The following ASTN2 variants were observed in gnomAD, a reference collection of about 807,000 sequenced individuals.
ASTN2 encodes the protein astrotactin-2.
ASTN2 carries 54 observed loss-of-function variants against 139.8 expected under a neutral mutation model. The ratio of observed to expected loss-of-function variants is 0.39; its 90% CI spans 0.31 to 0.48. The LOEUF is 0.48. Among genes scored for constraint, ASTN2 ranks in the 20% least tolerant of loss-of-function variants. ASTN2 has a pLI of 0.95. For missense variants in ASTN2, 1,565 were observed against 1,725.1 expected, an observed-to-expected ratio of 0.91 and a Z score of 1.64; for synonymous variants, 756 against 719.5, an observed-to-expected ratio of 1.05 and a Z score of -0.81.
rs570377837 is a variant in ASTN2, at chr9:117,335,205, T to C, written c.443-43692A>G. 3.7e-4 allele frequency among the ~76,000 whole-genome samples: 57 copies of C among 152,348 alleles called. 1 individual carries two copies. The highest frequency in any genetic ancestry group is 6.8e-4 in the Non-Finnish European group (46 of 68,028). On this transcript the variant is annotated intron_variant, in intron 1 of 22. Coordinates refer to ENST00000313400, the MANE Select transcript of ASTN2 (RefSeq NM_001365068.1). ...TATTTATTTACATGTTTATTGTCAG[T>C]TTTTCTTTAAGCTCTAAAAGGACCT...
intron 13 of ASTN2, among the ~76,000 whole-genome samples, chr9:116,779,291 G>T (rs1830158773): frequency 6.6e-6 from 1 of 152,058 alleles, no homozygotes. Flanking sequence ...GAGGGGGTTT[G>T]GTCCCTTTTT....
chr9:116,536,547 T>G (rs1851636914), intron 19 of ASTN2, among the ~76,000 whole-genome samples: 1 of 152,236 alleles, frequency 6.6e-6, no homozygotes, highest in Non-Finnish European at 1.5e-5. Flanking sequence ...GTGGATGTCC[T>G]TTCTGTTTGT....
intron 19 of ASTN2, among the ~76,000 whole-genome samples, chr9:116,504,817 G>A (rs1305396424): frequency 1.3e-5 from 2 of 148,858 alleles, no homozygotes; most frequent in African/African-American, 5.0e-5. Context: ...GATCACTTGA[G>A]CCTGGGAAGT....
intron 20 of ASTN2, 76 bp from the exon 21 acceptor site, chr9:116,442,629 G>T: frequency 8.7e-7 from 1 of 1,149,880 alleles, no homozygotes; most frequent in Non-Finnish European, 1.3e-6. Context: ...GAAGAACAGA[G>T]AGTCATGGCA....
intron 11 of ASTN2, among the ~76,000 whole-genome samples, chr9:116,827,625 A>G (rs1304903999): frequency 1.3e-5 from 2 of 152,148 alleles, no homozygotes; most frequent in Non-Finnish European, 2.9e-5. Flanking sequence ...CAAACCAGAG[A>G]ACTTAGAAAA....
intron 10 of ASTN2, among the ~76,000 whole-genome samples, chr9:116,964,252 T>TGC (rs1333717395): frequency 1.3e-3 from 166 of 128,978 alleles, no homozygotes; most frequent in Middle Eastern, 8.1e-3. Context: ...TGTGTGTGTG[T>TGC]GTGTGCGCGC....
intron 11 of ASTN2, among the ~76,000 whole-genome samples, chr9:116,851,099 C>T (rs1029249464): frequency 6.6e-6 from 1 of 152,136 alleles, no homozygotes; most frequent in African/African-American, 2.4e-5. Flanking sequence ...TGTCTAATAA[C>T]CAGTTTTTGC....
intron 10 of ASTN2, among the ~76,000 whole-genome samples, chr9:116,945,493 G>T (rs10116120): frequency 0.3 from 44,880 of 151,986 alleles, 7,088 homozygotes; most frequent in African/African-American, 0.4. Context: ...TCCAAACTGA[G>T]GCTGAGAAGC....
intron 19 of ASTN2, chr9:116,561,961 G>C (rs1264109997): frequency 6.6e-6 from 1 of 152,150 alleles, no homozygotes; most frequent in Non-Finnish European, 1.5e-5. Flanking sequence ...TAAAATGTTG[G>C]GTAATTTCTT....
intron 1 of ASTN2, among the ~76,000 whole-genome samples, chr9:117,398,348 G>A (rs1006436963): frequency 2.0e-5 from 3 of 152,104 alleles, no homozygotes; most frequent in African/African-American, 7.2e-5. Flanking sequence ...CTGTGGTTTG[G>A]ACATAGTGCC....
intron 2 of ASTN2, among the ~76,000 whole-genome samples, chr9:117,272,783 C>A (rs1331545719): frequency 6.6e-6 from 1 of 152,198 alleles, no homozygotes; most frequent in Non-Finnish European, 1.5e-5. Flanking sequence ...TCCTCATCAC[C>A]ATCTGAGACC....
At chr9:116,595,620 C>T (rs1257445215) in intron 19 of ASTN2, among the ~76,000 whole-genome samples, 2 of 151,946 alleles carry the variant, frequency 1.3e-5, no homozygotes, top group East Asian at 3.9e-4. Context: ...CCACCGCGCC[C>T]GGCCACTCTT....
At chr9:116,937,144 T>C (rs1835104425) in intron 10 of ASTN2, among the ~76,000 whole-genome samples, 1 of 152,204 alleles carries the variant, frequency 6.6e-6, no homozygotes, top group Non-Finnish European at 1.5e-5. Context: ...ATAATGGTTC[T>C]AGAATGGAGG....
chr9:116,428,178 A>G (rs1383696301), intron 22 of ASTN2, among the ~76,000 whole-genome samples: 1 of 152,104 alleles, frequency 6.6e-6, no homozygotes, highest in Non-Finnish European at 1.5e-5. Context: ...TTCCTATTAT[A>G]GTAGTAGGGA....
chr9:116,604,186 C>T (rs1855066326), intron 19 of ASTN2, among the ~76,000 whole-genome samples: 1 of 152,102 alleles, frequency 6.6e-6, no homozygotes, highest in South Asian at 2.1e-4. Context: ...ATAGTAACAG[C>T]TCCCCACACA....
Position 116,426,064 on chromosome 9 carries a change from T to A in ASTN2, c.3807A>T (p.Arg1269=). The A allele has an allele frequency of 6.2e-7, 1 of 1,613,646 alleles. No homozygotes were observed. Among genetic ancestry groups the A allele is most frequent in the Non-Finnish European group, 8.5e-7 (1 of 1,180,014 alleles). The change falls in exon 23 of 23, where the codon CGA becomes CGT. Residue 1269 remains arginine (R), a synonymous_variant. Coordinates refer to ENST00000313400, the MANE Select transcript of ASTN2 (RefSeq NM_001365068.1). ...GPRKAHLILR[R]LERVSSHCSS... Reference sequence around the variant, plus strand: ...AGCAGTGGCTACTCACCCTCTCCAGTCGCCGTAGAATCAGGTGGGCCTTCC... The same window carrying A: ...AGCAGTGGCTACTCACCCTCTCCAGACGCCGTAGAATCAGGTGGGCCTTCC...
chr9:117,330,092 T>C (rs960294343), intron 1 of ASTN2, among the ~76,000 whole-genome samples: 16 of 152,164 alleles, frequency 1.1e-4, no homozygotes, highest in African/African-American at 3.9e-4. Flanking sequence ...TCTGAGGACT[T>C]GCTTCTCTTT....
At chr9:117,147,479 G>A (rs939271787) in intron 3 of ASTN2, among the ~76,000 whole-genome samples, 20 of 149,264 alleles carry the variant, frequency 1.3e-4, no homozygotes, top group East Asian at 9.9e-4. Flanking sequence ...GTTATCCACC[G>A]TTCTCTTCCC....
intron 5 of ASTN2, among the ~76,000 whole-genome samples, chr9:117,058,271 C>G (rs1259208018): frequency 6.6e-6 from 1 of 152,134 alleles, no homozygotes; most frequent in Non-Finnish European, 1.5e-5. Flanking sequence ...TGGGATCATC[C>G]TAAGGCAGGA....
Sources: gnomAD v4.1 joint callset for allele counts (sites outside exome capture counted in the v4.1 genomes callset) on GRCh38, gnomAD v4.1.1 for gene constraint, MANE v1.5 for transcripts, NCBI Gene and HGNC (gene_info 2026-07-23, HGNC 2026-07-21) for gene names.